ATRX: variants seen among roughly 807,000 people sequenced by gnomAD.
ATRX encodes the protein ATRX chromatin remodeler.
A neutral mutation model predicts 172.6 loss-of-function variants in ATRX; 12 were observed. That is an observed-to-expected ratio of 0.07 (90% CI 0.04 to 0.11). The LOEUF (loss-of-function observed/expected upper bound fraction) is 0.11. Among genes scored for constraint, ATRX ranks in the 10% least tolerant of loss-of-function variants. ATRX has a pLI of 1.00. For synonymous variants in ATRX, 674 were observed against 594.7 expected, an observed-to-expected ratio of 1.13 and a Z score of -1.94; for missense variants, 1,368 against 1,767.4, an observed-to-expected ratio of 0.77 and a Z score of 4.05.
chrX:77,596,918 C>T (rs1352973937), intron 25 of ATRX: 1 of 110,781 alleles, frequency 9.0e-6, no homozygotes, highest in African/African-American at 3.3e-5. Context: ...TCTTCTGCTC[C>T]TGTTAGCCAT....
At chrX:77,620,633 T>C in intron 19 of ATRX, 101 bp from the exon 20 acceptor site, 1 of 798,181 alleles carries the variant, frequency 1.3e-6, no homozygotes, top group Non-Finnish European at 1.8e-6. Context: ...GTGCTGATCT[T>C]ACAGGAAGAT....
chrX:77,714,755 T>C (rs2148738772), intron 2 of ATRX, among the ~76,000 whole-genome samples: 1 of 111,585 alleles, frequency 9.0e-6, no homozygotes, highest in East Asian at 2.8e-4. Context: ...AAAGTCATAG[T>C]CCCAAAAGGC....
chrX:77,718,882 C>T (rs532733196), intron 1 of ATRX, among the ~76,000 whole-genome samples: 3 of 111,490 alleles, frequency 2.7e-5, no homozygotes, highest in African/African-American at 9.8e-5. Flanking sequence ...AATCCTCCCG[C>T]CTCAGCATCT....
At chrX:77,709,730 T>C (rs1056210050) in intron 2 of ATRX, among the ~76,000 whole-genome samples, 11 of 109,663 alleles carry the variant, frequency 1.0e-4, no homozygotes, top group Admixed American at 2.0e-4. Flanking sequence ...GAGGATTACC[T>C]GAGGTCAGGA....
chrX:77,633,788 T>C (rs997467821), intron 17 of ATRX, 76 bp from the exon 18 acceptor site: 90 of 1,050,148 alleles, frequency 8.6e-5, no homozygotes, highest in Non-Finnish European at 1.1e-4. Context: ...CTTACAATAT[T>C]ATAGCTTTGT....
intron 19 of ATRX, among the ~76,000 whole-genome samples, chrX:77,620,823 T>A (rs1288325386): frequency 9.0e-6 from 1 of 111,417 alleles, no homozygotes; most frequent in Non-Finnish European, 1.9e-5. Context: ...GGGAAAAAGT[T>A]CCCCCAACAG....
At chrX:77,649,926 A>AT (rs782155473) in intron 15 of ATRX, among the ~76,000 whole-genome samples, 15 of 112,021 alleles carry the variant, frequency 1.3e-4, no homozygotes, top group Non-Finnish European at 2.6e-4. Context: ...TTGGGGATAA[A>AT]TTTTTTAAAA....
In ATRX at chrX:77,739,164, A is replaced by G. The variant is rs894303788; in HGVS notation, c.21-21921T>C. ...CCTACCCTTTCCCTCTGAGTCCCCAAAAGCCACTGTGTCATTCTTATGCCT... is the reference window on the plus strand; with the variant it reads ...CCTACCCTTTCCCTCTGAGTCCCCAGAAGCCACTGTGTCATTCTTATGCCT... On this transcript the variant is annotated intron_variant, in intron 1 of 34. Coordinates refer to ENST00000373344, the MANE Select transcript of ATRX (RefSeq NM_000489.6). Among the ~76,000 whole-genome samples the G allele has an allele frequency of 2.5e-4, 27 of 110,193 alleles. 1 individual carries two copies. In the Middle Eastern group the frequency reaches 0.019, roughly 76 times the overall value.
At chrX:77,603,514 T>C (rs2066764118) in intron 22 of ATRX, among the ~76,000 whole-genome samples, 2 of 104,160 alleles carry the variant, frequency 1.9e-5, no homozygotes, top group Non-Finnish European at 3.9e-5. Flanking sequence ...TACAGGTGCC[T>C]GCCACCATGC....
At chrX:77,757,828 C>T (rs976998882) in intron 1 of ATRX, among the ~76,000 whole-genome samples, 4 of 109,030 alleles carry the variant, frequency 3.7e-5, no homozygotes, top group African/African-American at 6.7e-5. Flanking sequence ...CCTGCCACCA[C>T]GCTCAGCTAA....
At chrX:77,615,035 G>A (rs2067301474) in intron 22 of ATRX, among the ~76,000 whole-genome samples, 1 of 111,316 alleles carries the variant, frequency 9.0e-6, no homozygotes, top group South Asian at 3.8e-4. Context: ...GTAGTGCTCT[G>A]TTGCCTAGGC....
At chrX:77,718,389 TA>T (rs1332894322) in intron 1 of ATRX, among the ~76,000 whole-genome samples, 31 of 102,862 alleles carry the variant, frequency 3.0e-4, no homozygotes, top group East Asian at 1.5e-3. Flanking sequence ...TTTTTTTTTT[TA>T]AAAGACGGAG....
At chrX:77,773,877 A>C (rs1441627986) in intron 1 of ATRX, among the ~76,000 whole-genome samples, 25 of 111,813 alleles carry the variant, frequency 2.2e-4, no homozygotes, top group Non-Finnish European at 3.0e-4. Context: ...AAAATATATA[A>C]TCAAAGGGAA....
At chrX:77,749,841 T>C (rs782373105) in intron 1 of ATRX, among the ~76,000 whole-genome samples, 2 of 111,023 alleles carry the variant, frequency 1.8e-5, no homozygotes, top group African/African-American at 6.5e-5. Context: ...GTCCAGTGTA[T>C]ACATGCTATA....
At chrX:77,647,423 G>C (rs781958836) in intron 15 of ATRX, among the ~76,000 whole-genome samples, 1 of 111,439 alleles carries the variant, frequency 9.0e-6, no homozygotes, top group African/African-American at 3.3e-5. Context: ...ATTAGAGCAG[G>C]GACGAATAAA....
chrX:77,777,104 T>C (rs782006277), intron 1 of ATRX, among the ~76,000 whole-genome samples: 56 of 100,461 alleles, frequency 5.6e-4, no homozygotes, highest in Admixed American at 2.8e-3. Context: ...CTATAATCCC[T>C]GCACTTTGGG....
intron 27 of ATRX, among the ~76,000 whole-genome samples, chrX:77,585,373 A>G (rs1468282611): frequency 9.2e-6 from 1 of 108,362 alleles, no homozygotes; most frequent in African/African-American, 3.4e-5. Context: ...CAAGAGTTTG[A>G]GACCAGCCTG....
At chrX:77,599,070 TCC>T (rs1363270969) in intron 25 of ATRX, among the ~76,000 whole-genome samples, 1 of 112,199 alleles carries the variant, frequency 8.9e-6, no homozygotes, top group African/African-American at 3.2e-5. Context: ...ATACCAGTTC[TCC>T]TACTCATTTT....
chrX:77,525,000 C>T (rs1193124314), intron 30 of ATRX, among the ~76,000 whole-genome samples: 1 of 111,329 alleles, frequency 9.0e-6, no homozygotes. Flanking sequence ...CCACCTTGAT[C>T]TCCCAAAATA....
Sources: gnomAD v4.1 joint callset for allele counts (sites outside exome capture counted in the v4.1 genomes callset) on GRCh38, gnomAD v4.1.1 for gene constraint, MANE v1.5 for transcripts, NCBI Gene and HGNC (gene_info 2026-07-23, HGNC 2026-07-21) for gene names.